SLC14A2: variants seen among roughly 807,000 people sequenced by gnomAD.
The protein encoded by SLC14A2 is urea transporter 2.
SLC14A2 carries 91 observed loss-of-function variants against 104.6 expected under a neutral mutation model. That is an observed-to-expected ratio of 0.87 (90% CI 0.73 to 1.04). SLC14A2 has a LOEUF of 1.04. SLC14A2 is among the 50% of genes least tolerant of loss of function. SLC14A2 has a pLI of 0.00. For synonymous variants in SLC14A2, 476 were observed against 466.4 expected, an observed-to-expected ratio of 1.02 and a Z score of -0.27; for missense variants, 1,189 against 1,156.0, an observed-to-expected ratio of 1.03 and a Z score of -0.41.
chr18:45,589,314 GGA>G (rs2044614320), intron 2 of SLC14A2, among the ~76,000 whole-genome samples: 1 of 151,894 alleles, frequency 6.6e-6, no homozygotes. Context: ...AAAAAAAGCT[GGA>G]GAGAGAAAGG....
chr18:45,635,094 CA>C (rs1386599902), intron 5 of SLC14A2: 10 of 326,858 alleles, frequency 3.1e-5, no homozygotes, highest in Admixed American at 1.3e-4. Flanking sequence ...TAGGTTGATA[CA>C]AAAGACCAAG....
At chr18:45,346,804 A>G (rs2144296253) in intron 1 of SLC14A2, among the ~76,000 whole-genome samples, 2 of 151,912 alleles carry the variant, frequency 1.3e-5, no homozygotes, top group Middle Eastern at 3.4e-3. Context: ...TTGACTAAAA[A>G]CACAACAGTT....
At chr18:45,528,195 G>C (rs917084021) in intron 2 of SLC14A2, 3 of 129,592 alleles carry the variant, frequency 2.3e-5, no homozygotes, top group South Asian at 2.7e-4. Context: ...GGGGGGGGGG[G>C]GGTGTCTATA....
At chr18:45,359,231 A>G (rs1422156250) in intron 1 of SLC14A2, among the ~76,000 whole-genome samples, 1 of 152,060 alleles carries the variant, frequency 6.6e-6, no homozygotes, top group Non-Finnish European at 1.5e-5. Context: ...GGCTGGTTTG[A>G]GCTGAAATGG....
upstream of SLC14A2, among the ~76,000 whole-genome samples, chr18:45,209,700 T>A (rs964522547): frequency 6.6e-6 from 1 of 152,206 alleles, no homozygotes; most frequent in Non-Finnish European, 1.5e-5. Context: ...TCTTCATTCA[T>A]CTTGCTAACC....
In SLC14A2 at chr18:45,518,029, A is replaced by G. The variant is rs573251033; in HGVS notation, c.-35+34707A>G. On this transcript the variant is annotated intron_variant, in intron 2 of 20. Coordinates refer to the SLC14A2 transcript ENST00000586448. Reference sequence around the variant, plus strand: ...AATTAGATATCTTAACTCCATAATAATAATAATAACTAATAATTAACACAA... The same window carrying G: ...AATTAGATATCTTAACTCCATAATAGTAATAATAACTAATAATTAACACAA... 2.6e-5 allele frequency among the ~76,000 whole-genome samples: 4 copies of G among 151,870 alleles called. No individual in the cohort carries two copies. In the South Asian group the frequency reaches 8.3e-4, roughly 31 times the overall value.
intron 1 of SLC14A2, among the ~76,000 whole-genome samples, chr18:45,308,267 T>A (rs893427134): frequency 1.3e-5 from 2 of 152,190 alleles, no homozygotes; most frequent in Non-Finnish European, 2.9e-5. Context: ...TATCTGTGTA[T>A]GTGCATATTT....
intron 1 of SLC14A2, among the ~76,000 whole-genome samples, chr18:45,376,901 C>T (rs939017320): frequency 3.9e-5 from 6 of 152,292 alleles, no homozygotes; most frequent in South Asian, 4.1e-4. Context: ...TCACCTCTTA[C>T]TTTCTACCCA....
At chr18:45,350,870 T>C (rs1450663503) in intron 1 of SLC14A2, among the ~76,000 whole-genome samples, 2 of 152,106 alleles carry the variant, frequency 1.3e-5, no homozygotes, top group Non-Finnish European at 2.9e-5. Context: ...GATACAATTA[T>C]AGGATGAGAG....
In SLC14A2 at chr18:45,639,817, C is replaced by T. The variant is rs753723423; in HGVS notation, c.915C>T (p.Phe305=). The T allele has an allele frequency of 5.0e-6, 8 of 1,613,854 alleles. No homozygotes were observed. In the Admixed American group the frequency reaches 1.2e-4, roughly 24 times the overall value. Residue 305 remains phenylalanine (F), a synonymous_variant, in exon 7 of 20, where the codon TTC becomes TTT. Transcript: ENST00000255226. ...ACAATCCCTGGACAGGCGGCGTGTT[C>T]CTGGTGGCTCTGTTCATCTCCTCGC... is the stretch of plus-strand genomic sequence containing the variant. ...GCDNPWTGGV[F]LVALFISSPL...
In SLC14A2 at chr18:45,669,301, AT is replaced by A. The variant is rs780919511; in HGVS notation, c.2037-4del. ...GACCAGCATCTCTCATGCTTCTGCC[AT>A]CAGCCCCATCCTCTCCAGTGCCCTG... On this transcript the variant is annotated splice_polypyrimidine_tract_variant and splice_region_variant and intron_variant, in intron 15 of 19. Coordinates refer to ENST00000255226, the MANE Select transcript of SLC14A2 (RefSeq NM_007163.4). 18 of 1,609,412 alleles carry A rather than the reference AT, an allele frequency of 1.1e-5. No homozygotes were observed. The highest frequency in any genetic ancestry group is 1.5e-5 in the Non-Finnish European group (18 of 1,177,486).
chr18:45,338,269 T>C (rs1357762363), intron 1 of SLC14A2, among the ~76,000 whole-genome samples: 3 of 152,082 alleles, frequency 2.0e-5, no homozygotes, highest in South Asian at 2.1e-4. Context: ...GTCGTGATCT[T>C]GGCTCACTGC....
intron 1 of SLC14A2, among the ~76,000 whole-genome samples, chr18:45,335,656 T>C (rs2085331283): frequency 6.6e-6 from 1 of 152,150 alleles, no homozygotes; most frequent in Non-Finnish European, 1.5e-5. Context: ...CCTATAGAAA[T>C]TTCCAAAATA....
Position 45,666,217 on chromosome 18 carries a change from C to T in SLC14A2, c.1555C>T (p.Leu519Phe). 6.2e-7 allele frequency: 1 copy of T among 1,603,878 alleles called. No individual in the cohort carries two copies. The highest frequency in any genetic ancestry group is 8.5e-7 in the Non-Finnish European group (1 of 1,170,620). Residue 519 changes from leucine (L) to phenylalanine (F), a missense_variant and splice_region_variant, in exon 12 of 20, where the codon CTT (leucine) becomes TTT (phenylalanine). By Grantham distance (22) the Leu-to-Phe change is conservative (BLOSUM62 0). Transcript: ENST00000255226. The stretch of plus-strand genomic sequence containing the variant: ...ATACCGGAAGCCCACAGTCGAGCTG[C>T]TTGTGAGTACTGAGTGTCCTGAATC... ...YRYRKPTVEL[L>F]DLDTMEESSE...
At chr18:45,399,300 C>G (rs188034231) in intron 1 of SLC14A2, among the ~76,000 whole-genome samples, 42 of 152,264 alleles carry the variant, frequency 2.8e-4, no homozygotes, top group Non-Finnish European at 6.0e-4. Context: ...GGGCACATTC[C>G]CTAGGCCTTA....
intron 1 of SLC14A2, among the ~76,000 whole-genome samples, chr18:45,250,226 C>A (rs762811918): frequency 6.6e-6 from 1 of 152,180 alleles, no homozygotes; most frequent in Non-Finnish European, 1.5e-5. Context: ...GCATCTATAT[C>A]ATGTTTTTCT....
At chr18:45,451,906 T>C (rs963062512) in intron 1 of SLC14A2, among the ~76,000 whole-genome samples, 1 of 152,210 alleles carries the variant, frequency 6.6e-6, no homozygotes, top group African/African-American at 2.4e-5. Context: ...CTGTTTGCCC[T>C]TTCTGCAAGT....
chr18:45,207,403 AAG>A, the SLC14A2 span, among the ~76,000 whole-genome samples: 16 of 150,228 alleles, frequency 1.1e-4, no homozygotes, highest in East Asian at 3.9e-4. Context: ...GGGGGAGGAA[AAG>A]AGAGAGAAAG....
chr18:45,312,849 C>G (rs376255767), intron 1 of SLC14A2, among the ~76,000 whole-genome samples: 1 of 152,172 alleles, frequency 6.6e-6, no homozygotes, highest in African/African-American at 2.4e-5. Flanking sequence ...TCCCCAGCTT[C>G]GCATCCCAGA....
Sources: gnomAD v4.1 joint callset for allele counts (sites outside exome capture counted in the v4.1 genomes callset) on GRCh38, gnomAD v4.1.1 for gene constraint, MANE v1.5 for transcripts, NCBI Gene and HGNC (gene_info 2026-07-23, HGNC 2026-07-21) for gene names.